The following TAF5 variants were observed in gnomAD, a reference collection of about 807,000 sequenced individuals.
The protein encoded by TAF5 is transcription initiation factor TFIID subunit 5.
In TAF5, 20 loss-of-function variants were observed where a neutral mutation model predicts 80.9. That is an observed-to-expected ratio of 0.25 (90% CI 0.17 to 0.36). TAF5 has a LOEUF of 0.36. Among genes scored for constraint, TAF5 ranks in the 10% least tolerant of loss-of-function variants. The pLI is 1.00. For missense variants in TAF5, 863 were observed against 1,029.4 expected (o/e 0.84, Z 2.21); for synonymous variants, 388 against 406.4 (o/e 0.95, Z 0.55).
intron 8 of TAF5, among the ~76,000 whole-genome samples, chr10:103,386,177 G>T (rs752244553): frequency 6.6e-6 from 1 of 151,894 alleles, no homozygotes; most frequent in African/African-American, 2.4e-5. Context: ...AGTGGCTCAC[G>T]CCTGTAATCC....
rs576185126 is a variant in TAF5 at position 103,368,530 on chromosome 10, C to G, written c.541C>G (p.Pro181Ala). 6.5e-7 allele frequency: 1 copy of G among 1,537,742 alleles called. No individual in the cohort carries two copies. Among genetic ancestry groups the G allele is most frequent in the East Asian group, 2.3e-5 (1 of 43,076 alleles). ...GGTCGTCTCAGGTTCAGCCTCAGGT[C>G]CTGCGGCTCCGGGTAAAGGTGAGCC... ...ATVVSGSASG[P>A]AAPGKVGSVA... Residue 181 changes from proline (P) to alanine (A), a missense_variant, in exon 1 of 11, where the codon CCT (proline) becomes GCT (alanine). Pro to Ala is a conservative substitution (Grantham distance 27). Transcript: ENST00000369839.
intron 1 of TAF5, 57 bp from the exon 2 acceptor site, chr10:103,373,301 C>A: frequency 7.0e-7 from 1 of 1,418,984 alleles, no homozygotes; most frequent in South Asian, 1.3e-5. Context: ...ACAATACAGC[C>A]ATAGTCACAT....
At position 103,378,329 on chromosome 10, in the gene TAF5, T is replaced by C; in HGVS notation, c.892T>C (p.Leu298=). The stretch of plus-strand genomic sequence containing the variant: ...ACACATGAAAGGGAATGAGACCATG[T>C]TGGATTTTCGAACAAGTAAATTTGT... ...KEHMKGNETM[L]DFRTSKFVLR... The change falls in exon 3 of 11, where the codon TTG becomes CTG. Residue 298 remains leucine, a synonymous_variant. Transcript: ENST00000369839. This position sits in a 1 kb window ranked among gnomAD's most constrained non-coding sequence, Gnocchi z 4.1. The C allele has an allele frequency of 6.2e-7, 1 of 1,614,210 alleles. No individual in the cohort carries two copies. The highest frequency in any genetic ancestry group is 8.5e-7 in the Non-Finnish European group (1 of 1,180,044).
intron 7 of TAF5, among the ~76,000 whole-genome samples, chr10:103,384,132 T>C (rs904322661): frequency 6.6e-6 from 1 of 152,162 alleles, no homozygotes; most frequent in Admixed American, 6.5e-5. Flanking sequence ...TAGCTAGTAA[T>C]TGAGGATTAA....
At chr10:103,375,658 T>C (rs370893174) in intron 2 of TAF5, among the ~76,000 whole-genome samples, 39 of 152,138 alleles carry the variant, frequency 2.6e-4, no homozygotes, top group African/African-American at 8.2e-4. Flanking sequence ...AGTCAGTCAG[T>C]GGGCTAGGCC....
Position 103,387,558 on chromosome 10 carries a change from G to A in TAF5, c.2045G>A (p.Arg682Lys). ...IHSLTFSPNG[R>K]FLATGATDGR... is the part of the protein sequence containing the mutation. Reference sequence around the variant, plus strand: ...TCCTTGACATTTTCTCCCAATGGGAGATTCCTGGCTACAGGAGCAACAGAT... The same window carrying A: ...TCCTTGACATTTTCTCCCAATGGGAAATTCCTGGCTACAGGAGCAACAGAT... The change falls in exon 10 of 11, where the codon AGA (arginine) becomes AAA (lysine). Residue 682 changes from arginine to lysine, a missense_variant. Around this residue, in one of 3 missense-constraint regions of TAF5, gnomAD observed 368 missense variants for 461.7 expected, o/e 0.80. Coordinates refer to ENST00000369839, the MANE Select transcript of TAF5 (RefSeq NM_006951.5). The A allele has an allele frequency of 6.2e-7, 1 of 1,614,006 alleles. No homozygotes were observed. The highest frequency in any genetic ancestry group is 8.5e-7 in the Non-Finnish European group (1 of 1,180,002).
At chr10:103,368,913 T>C (rs965503943) in intron 1 of TAF5, among the ~76,000 whole-genome samples, 7 of 152,224 alleles carry the variant, frequency 4.6e-5, no homozygotes, top group African/African-American at 1.7e-4. Context: ...CTTTAAGTAC[T>C]GTAAGTACTT....
Position 103,368,619 on chromosome 10 carries a change from G to C in TAF5, c.559+71G>C, listed in dbSNP as rs984916884. Reference sequence around the variant, plus strand: ...CAAGCCGGTAAGGCAGGGGCTGGCAGGCCTGCACCTCTGCGGGCTTGTTTT... The same window carrying C: ...CAAGCCGGTAAGGCAGGGGCTGGCACGCCTGCACCTCTGCGGGCTTGTTTT... On this transcript the variant is annotated intron_variant, in intron 1 of 10. Coordinates refer to ENST00000369839, the MANE Select transcript of TAF5 (RefSeq NM_006951.5). 9.2e-6 allele frequency: 13 copies of C among 1,417,160 alleles called. No individual in the cohort carries two copies. The African/African-American group carries it at 1.8e-4, about 20-fold the overall frequency. The allele number at this position is 1,417,160 out of a possible 1,614,324, so 87.8% of individuals were successfully genotyped here.
Position 103,368,199 on chromosome 10 carries a change from C to T in TAF5, c.210C>T (p.Val70=). 1 of 1,400,308 alleles carries T rather than the reference C, an allele frequency of 7.1e-7. No homozygotes were observed. The highest frequency in any genetic ancestry group is 1.5e-5 in the South Asian group (1 of 65,384). 86.7% of individuals were successfully genotyped at this position (1,400,308 alleles called of 1,614,324 possible). Reference sequence around the variant, plus strand: ...GGACCCCCAAGCCCACGGTGGCTGTCTCCGCCGCTGCCCCGGCGGGGGCGG... The same window carrying T: ...GGACCCCCAAGCCCACGGTGGCTGTTTCCGCCGCTGCCCCGGCGGGGGCGG... ...DGGTPKPTVA[V]SAAAPAGAAP... The change falls in exon 1 of 11, where the codon GTC becomes GTT. Residue 70 remains valine, a synonymous_variant. Coordinates refer to ENST00000369839, the MANE Select transcript of TAF5 (RefSeq NM_006951.5).
Position 103,387,623 on chromosome 10 carries a change from G to T in TAF5, c.2110G>T (p.Val704Phe). Reference protein sequence around the residue: ...LLWDIGHGLMVGELKGHTDTV... With the variant: ...LLWDIGHGLMFGELKGHTDTV... ...TTGGGATATTGGACATGGTTTGATG[G>T]TTGGAGAATTAAAAGGCCACACTGA... is the stretch of plus-strand genomic sequence containing the variant. Residue 704 changes from valine (V) to phenylalanine (F), a missense_variant, in exon 10 of 11, where the codon GTT becomes TTT. Around this residue, in one of 3 missense-constraint regions of TAF5, gnomAD observed 368 missense variants for 461.7 expected, o/e 0.80. Coordinates refer to ENST00000369839, the MANE Select transcript of TAF5 (RefSeq NM_006951.5). The T allele has an allele frequency of 6.2e-7, 1 of 1,614,184 alleles. No individual in the cohort carries two copies. The highest frequency in any genetic ancestry group is 2.2e-5 in the East Asian group (1 of 44,874).
intron 1 of TAF5, among the ~76,000 whole-genome samples, chr10:103,370,974 C>T (rs796690453): frequency 3.9e-5 from 6 of 152,224 alleles, no homozygotes; most frequent in Admixed American, 1.3e-4. Context: ...GGCTCGGTGG[C>T]TCACGCCTGT....
intron 7 of TAF5, among the ~76,000 whole-genome samples, chr10:103,383,732 C>T (rs1383776195): frequency 6.6e-6 from 1 of 152,124 alleles, no homozygotes; most frequent in African/African-American, 2.4e-5. Context: ...GCATGCGCCA[C>T]CACACCTGGC....
At chr10:103,368,675 T>C in intron 1 of TAF5, 127 bp downstream of exon 1, 2 of 1,243,344 alleles carry the variant, frequency 1.6e-6, no homozygotes, top group Admixed American at 6.8e-5. Context: ...TAGGGCCACA[T>C]GCCCGCCCCT....
At chr10:103,387,423 C>A in intron 9 of TAF5, 71 bp downstream of exon 9, 1 of 1,549,866 alleles carries the variant, frequency 6.5e-7, no homozygotes, top group Non-Finnish European at 8.7e-7. Context: ...AAACAAGTGA[C>A]ACATAAATTT....
intron 7 of TAF5, among the ~76,000 whole-genome samples, chr10:103,384,578 C>T (rs2093391223): frequency 6.6e-6 from 1 of 152,250 alleles, no homozygotes; most frequent in African/African-American, 2.4e-5. Context: ...TTGCAATGAG[C>T]CGAGATTGCA....
At chr10:103,382,518 T>G (rs1319138893) in intron 6 of TAF5, among the ~76,000 whole-genome samples, 1 of 152,038 alleles carries the variant, frequency 6.6e-6, no homozygotes, top group African/African-American at 2.4e-5. Context: ...CACTGCAACC[T>G]CCACCTCCCT....
Position 103,378,041 on chromosome 10 carries a change from T to C in TAF5, c.798-194T>C, listed in dbSNP as rs1247339566. Among the ~76,000 whole-genome samples the C allele has an allele frequency of 6.6e-6, 1 of 152,222 alleles. No individual in the cohort carries two copies. Among genetic ancestry groups the C allele is most frequent in the Non-Finnish European group, 1.5e-5 (1 of 68,028 alleles). ...ACATTTCATTAGAGAATTACATTTG[T>C]TCATTTTTAGAATAAATTCAGAAAC... On this transcript the variant is annotated intron_variant, in intron 2 of 10. Coordinates refer to ENST00000369839, the MANE Select transcript of TAF5 (RefSeq NM_006951.5). This position sits in a 1 kb window ranked among gnomAD's most constrained non-coding sequence, Gnocchi z 4.1.
chr10:103,378,599 T>A lies in TAF5; in HGVS notation c.1113+49T>A, dbSNP rs766892530. ...CTATAATGCAGATTATGAAAAATTGTAGCATTTCCATCTACATAAGTTACA... is the reference window on the plus strand; with the variant it reads ...CTATAATGCAGATTATGAAAAATTGAAGCATTTCCATCTACATAAGTTACA... On this transcript the variant is annotated intron_variant, in intron 3 of 10. Coordinates refer to ENST00000369839, the MANE Select transcript of TAF5 (RefSeq NM_006951.5). The surrounding 1 kb of genome is among the most constrained non-coding windows in gnomAD (Gnocchi z 4.1). The A allele has an allele frequency of 1.8e-5, 27 of 1,524,136 alleles. No individual in the cohort carries two copies. The highest frequency in any genetic ancestry group is 6.4e-5 in the Admixed American group (3 of 46,628). 94.4% of individuals were successfully genotyped at this position (1,524,136 alleles called of 1,614,324 possible). A position where few individuals can be genotyped will look rare whatever the true frequency, so the allele number is the denominator to read the frequency against.
At chr10:103,371,259 A>AG (rs2093359040) in intron 1 of TAF5, among the ~76,000 whole-genome samples, 2 of 151,818 alleles carry the variant, frequency 1.3e-5, no homozygotes, top group South Asian at 4.2e-4. Flanking sequence ...AAAAAAAAAA[A>AG]AGAGAGAGGA....
Sources: allele counts gnomAD v4.1 joint callset (sites outside exome capture counted in the v4.1 genomes callset), GRCh38; gene constraint gnomAD v4.1.1; regional missense constraint gnomAD v4.1.1; non-coding constraint Gnocchi (gnomAD v3.1); transcripts MANE v1.5; gene names NCBI Gene and HGNC (gene_info 2026-07-23, HGNC 2026-07-21).